COPA: variants seen among roughly 807,000 people sequenced by gnomAD.
The protein encoded by COPA is coat protein complex I subunit alpha, also known as coatomer subunit alpha.
A neutral mutation model predicts 158.7 loss-of-function variants in COPA; 10 were observed. The observed-to-expected ratio is 0.06, with a 90% confidence interval of 0.04 to 0.11. The LOEUF (loss-of-function observed/expected upper bound fraction) is 0.11, where lower values mean the gene tolerates loss of function less well. COPA is among the 10% of genes least tolerant of loss of function. COPA has a pLI of 1.00. For missense variants in COPA, 1,065 were observed against 1,536.7 expected, an observed-to-expected ratio of 0.69 and a Z score of 5.13; for synonymous variants, 462 against 542.8, an observed-to-expected ratio of 0.85 and a Z score of 2.07.
intron 15 of COPA, 97 bp from the exon 16 acceptor site, chr1:160,305,870 C>T (rs557985568): frequency 5.3e-6 from 5 of 944,710 alleles, no homozygotes; most frequent in Non-Finnish European, 8.5e-6. Flanking sequence ...ATGTAAACCC[C>T]AATTTCTTAA....
intron 9 of COPA, 32 bp from the exon 10 acceptor site, chr1:160,313,199 A>G (rs1557867667): frequency 5.7e-6 from 9 of 1,586,662 alleles, no homozygotes; most frequent in Non-Finnish European, 7.8e-6. Flanking sequence ...AAAAACATTA[A>G]TTTCCTAGGA....
At chr1:160,302,063 T>C (rs1249130688) in intron 17 of COPA, among the ~76,000 whole-genome samples, 5 of 152,086 alleles carry the variant, frequency 3.3e-5, no homozygotes, top group East Asian at 1.9e-4. Flanking sequence ...AAGAAAAATA[T>C]AGTAATATAT....
chr1:160,301,200 A>G (rs1658590482), intron 17 of COPA, among the ~76,000 whole-genome samples: 1 of 152,192 alleles, frequency 6.6e-6, no homozygotes, highest in African/African-American at 2.4e-5. Flanking sequence ...ACATTAATCA[A>G]TGAAAGGAGA....
At chr1:160,341,395 T>C (rs1039504018) in intron 1 of COPA, among the ~76,000 whole-genome samples, 24 of 152,228 alleles carry the variant, frequency 1.6e-4, no homozygotes, top group Admixed American at 1.3e-4. Flanking sequence ...ACAAATGTAC[T>C]ACACTTATAT....
At chr1:160,329,632 C>T (rs1025392356) in intron 6 of COPA, among the ~76,000 whole-genome samples, 6 of 152,064 alleles carry the variant, frequency 3.9e-5, no homozygotes, top group African/African-American at 9.7e-5. Context: ...CTTCTCAACC[C>T]GGCGTTCTGG....
intron 21 of COPA, 32 bp from the exon 22 acceptor site, chr1:160,296,181 A>C (rs777366543): frequency 6.3e-7 from 1 of 1,588,516 alleles, no homozygotes; most frequent in African/African-American, 1.3e-5. Flanking sequence ...TGGTATAGGT[A>C]CATTTCCAAA....
chr1:160,308,618 G>A (rs1256046100), intron 13 of COPA, among the ~76,000 whole-genome samples: 1 of 152,228 alleles, frequency 6.6e-6, no homozygotes, highest in Non-Finnish European at 1.5e-5. Flanking sequence ...GGAAGAGGTA[G>A]GCAGGAGTCT....
rs879887676 is a variant in COPA at position 160,295,820 on chromosome 1, G to C, written c.2392C>G (p.Pro798Ala). The C allele has an allele frequency of 6.2e-7, 1 of 1,613,252 alleles. No individual in the cohort carries two copies. Among genetic ancestry groups the C allele is most frequent in the Middle Eastern group, 1.7e-4 (1 of 6,056 alleles). Reference sequence around the variant, plus strand: ...GTATCCAATGGCATGATAGGTGCAGGTGGCTGGAGCAGCTTGGCATTAGGG... The same window carrying C: ...GTATCCAATGGCATGATAGGTGCAGCTGGCTGGAGCAGCTTGGCATTAGGG... Reference protein sequence around the residue: ...IDPNAKLLQPPAPIMPLDTNW... With the variant: ...IDPNAKLLQPAAPIMPLDTNW... Residue 798 changes from proline (P) to alanine (A), a missense_variant, in exon 23 of 33, where the codon CCT becomes GCT. Coordinates refer to ENST00000241704, the MANE Select transcript of COPA (RefSeq NM_004371.4).
intron 7 of COPA, among the ~76,000 whole-genome samples, chr1:160,324,175 C>T (rs1254650026): frequency 6.6e-6 from 1 of 151,612 alleles, no homozygotes; most frequent in Non-Finnish European, 1.5e-5. Flanking sequence ...ACTTTTATAA[C>T]TTAATGCAGA....
At chr1:160,314,167 C>T in intron 8 of COPA, 42 bp from the exon 9 acceptor site, 1 of 1,581,226 alleles carries the variant, frequency 6.3e-7, no homozygotes, top group Non-Finnish European at 8.6e-7. Context: ...TTCCCTACTA[C>T]TATAACTTTA....
chr1:160,312,037 AG>A lies in COPA; in HGVS notation c.926-20del. On this transcript the variant is annotated intron_variant, in intron 10 of 32. Coordinates refer to ENST00000241704, the MANE Select transcript of COPA (RefSeq NM_004371.4). ...TCATGGCCTGGGGGACAGGGAGAGG[AG>A]GAGAAAAAATTAAGCTGTAGGCAAG... 1 of 1,608,016 alleles carries A rather than the reference AG, an allele frequency of 6.2e-7. No homozygotes were observed. Among genetic ancestry groups the A allele is most frequent in the Non-Finnish European group, 8.5e-7 (1 of 1,176,384 alleles).
rs147236051 is a variant in COPA, at chr1:160,312,988, T to C, written c.925+97A>G. 821 of 1,082,490 alleles carry C rather than the reference T, an allele frequency of 7.6e-4. 2 individuals are homozygous for C. In the African/African-American group the frequency reaches 0.011, roughly 14 times the overall value. The allele number at this position is 1,082,490 out of a possible 1,614,324, so 67.1% of individuals were successfully genotyped here. ...CTGAGAGTCCTTCTTCTTCTTGTCA[T>C]CCTACTATACATTTACTAGAGACAA... On this transcript the variant is annotated intron_variant, in intron 10 of 32. Transcript: ENST00000241704.
At chr1:160,301,049 T>C (rs961073147) in intron 17 of COPA, among the ~76,000 whole-genome samples, 6 of 151,554 alleles carry the variant, frequency 4.0e-5, no homozygotes, top group African/African-American at 1.5e-4. Context: ...ACCCGGGAGG[T>C]GGAGGTTGCA....
intron 10 of COPA, 56 bp downstream of exon 10, chr1:160,313,029 T>C: frequency 8.0e-6 from 12 of 1,493,078 alleles, no homozygotes; most frequent in Non-Finnish European, 1.1e-5. Context: ...ATAATCACTT[T>C]CAAGACTTAT....
At position 160,337,401 on chromosome 1, in the gene COPA, A is replaced by G. The variant is rs143854916; in HGVS notation, c.229-2079T>C. On this transcript the variant is annotated intron_variant, in intron 3 of 32. Transcript: ENST00000241704. ...TTTTTATGGAAAAATGTTCAAGTTT[A>G]TTAGTCATCAGAGAAATTAATTAAA... 1.3e-3 allele frequency among the ~76,000 whole-genome samples: 203 copies of G among 152,340 alleles called. 1 individual carries two copies. Among genetic ancestry groups the G allele is most frequent in the African/African-American group, 4.4e-3 (185 of 41,574 alleles).
At chr1:160,309,243 C>A in intron 12 of COPA, 67 bp from the exon 13 acceptor site, 2 of 1,221,550 alleles carry the variant, frequency 1.6e-6, no homozygotes, top group Non-Finnish European at 1.2e-6. Flanking sequence ...TTCCAATTTA[C>A]TCTGACAGAG....
At chr1:160,341,686 T>C (rs1189629831) in intron 1 of COPA, among the ~76,000 whole-genome samples, 1 of 152,082 alleles carries the variant, frequency 6.6e-6, no homozygotes. Flanking sequence ...TCTAAGACCC[T>C]CCCCCCAAAA....
At chr1:160,337,668 G>A (rs146808921) in intron 3 of COPA, among the ~76,000 whole-genome samples, 26 of 151,976 alleles carry the variant, frequency 1.7e-4, no homozygotes, top group Admixed American at 2.6e-4. Context: ...GCAGTGAGCC[G>A]AGATCACGCC....
intron 22 of COPA, 30 bp downstream of exon 22, chr1:160,296,031 T>C (rs1188439965): frequency 2.5e-6 from 4 of 1,602,060 alleles, no homozygotes; most frequent in Non-Finnish European, 3.4e-6. Context: ...AATCCTGTAA[T>C]AAGAGACAAT....
Sources: allele counts gnomAD v4.1 joint callset (sites outside exome capture counted in the v4.1 genomes callset), GRCh38; gene constraint gnomAD v4.1.1; transcripts MANE v1.5; gene names NCBI Gene and HGNC (gene_info 2026-07-23, HGNC 2026-07-21).